YDJC: variants seen among roughly 807,000 people sequenced by gnomAD.
YDJC encodes carbohydrate deacetylase.
In YDJC, 23 loss-of-function variants were observed where a neutral mutation model predicts 18.9. The observed-to-expected ratio is 1.22, with a 90% CI of 0.87 to 1.72. The LOEUF (loss-of-function observed/expected upper bound fraction) is 1.72, where lower values mean the gene tolerates loss of function less well. YDJC is among the 40% of genes most tolerant of loss of function. The pLI is 0.00. For missense variants in YDJC, 467 were observed against 470.8 expected (o/e 0.99, Z 0.07); for synonymous variants, 224 against 217.6 (o/e 1.03, Z -0.26).
intron 4 of YDJC, 43 bp from the exon 5 acceptor site, chr22:21,628,830 T>C (rs2148457904): frequency 8.6e-7 from 1 of 1,162,680 alleles, no homozygotes; most frequent in Non-Finnish European, 1.1e-6. Flanking sequence ...GGCCGGGCCA[T>C]GGCCAAGGGC....
chr22:21,628,950 GAAC>G (rs1930363159), intron 4 of YDJC, 57 bp downstream of exon 4: 3 of 1,434,218 alleles, frequency 2.1e-6, no homozygotes, highest in Non-Finnish European at 2.7e-6. Flanking sequence ...CTAGCCAGGT[GAAC>G]AGCCAGTGCG....
chr22:21,628,893 G>T, intron 4 of YDJC, 106 bp from the exon 5 acceptor site: 1 of 1,378,060 alleles, frequency 7.3e-7, no homozygotes, highest in South Asian at 1.5e-5. Flanking sequence ...TGGGGTGGCG[G>T]CAGCGGTCGA....
At position 21,629,302 on chromosome 22, in the gene YDJC, A is replaced by G; in HGVS notation, c.424+6T>C. ...GCCCTCCAAACTGGGATCACTAACC[A>G]CGCACCTGGGAGCACGTGCACGTGC... On this transcript the variant is annotated splice_donor_region_variant and intron_variant, in intron 3 of 4. Coordinates refer to ENST00000292778, the MANE Select transcript of YDJC (RefSeq NM_001017964.2). 1 of 1,550,374 alleles carries G rather than the reference A, an allele frequency of 6.5e-7. No individual in the cohort carries two copies. Among genetic ancestry groups the G allele is most frequent in the African/African-American group, 1.4e-5 (1 of 73,126 alleles).
rs1053188270 is a variant in YDJC at position 21,629,771 on chromosome 22, G to A, written c.165-10C>T. On this transcript the variant is annotated splice_polypyrimidine_tract_variant and intron_variant, in intron 1 of 4. Coordinates refer to ENST00000292778, the MANE Select transcript of YDJC (RefSeq NM_001017964.2). ...CGTGGGGATGCTGTGCCTGAGGGCG[G>A]AGCGCGAGCTGGAGCACTAGCGGCC... 3 of 1,478,518 alleles carry A rather than the reference G, an allele frequency of 2.0e-6. No individual in the cohort carries two copies. The highest frequency in any genetic ancestry group is 2.9e-5 in the African/African-American group (2 of 69,550). 91.6% of individuals were successfully genotyped at this position (1,478,518 alleles called of 1,614,324 possible).
At position 21,628,622 on chromosome 22, in the gene YDJC, G is replaced by A. The variant is rs199859720; in HGVS notation, c.768C>T (p.Gly256=). The part of the protein sequence containing the change: ...PGYPSVPPTG[G]CGEGPDAFSC... Reference sequence around the variant, plus strand: ...AGAAAGCGTCGGGGCCTTCACCGCAGCCGCCGGTGGGAGGCACACTGGGGT... The same window carrying A: ...AGAAAGCGTCGGGGCCTTCACCGCAACCGCCGGTGGGAGGCACACTGGGGT... The change falls in exon 5 of 5, where the codon GGC becomes GGT. Residue 256 remains glycine (G), a synonymous_variant. Coordinates refer to ENST00000292778, the MANE Select transcript of YDJC (RefSeq NM_001017964.2). 1 of 1,591,170 alleles carries A rather than the reference G, an allele frequency of 6.3e-7. No individual in the cohort carries two copies. The highest frequency in any genetic ancestry group is 8.5e-7 in the Non-Finnish European group (1 of 1,169,830).
At chr22:21,629,270 G>C in intron 3 of YDJC, 38 bp downstream of exon 3, 1 of 1,550,338 alleles carries the variant, frequency 6.5e-7, no homozygotes, top group Non-Finnish European at 8.7e-7. Flanking sequence ...CCCCGCCTGG[G>C]AGTAACGCCC....
chr22:21,629,025 G>A lies in YDJC; in HGVS notation c.587C>T (p.Ser196Phe), dbSNP rs58851250. 7,749 of 1,479,264 alleles carry A rather than the reference G, an allele frequency of 5.2e-3. 363 individuals are homozygous for A. In the African/African-American group the frequency reaches 0.095, roughly 18 times the overall value. The allele number at this position is 1,479,264 out of a possible 1,614,324, so 91.6% of individuals were successfully genotyped here. A position where few individuals can be genotyped will look rare whatever the true frequency, so the allele number is the denominator to read the frequency against. Residue 196 changes from serine (S) to phenylalanine (F), a missense_variant, in exon 4 of 5, where the codon TCC (serine) becomes TTC (phenylalanine). Coordinates refer to ENST00000292778, the MANE Select transcript of YDJC (RefSeq NM_001017964.2). Reference protein sequence around the residue: ...RDARAAVGPFSRHGLRWTDAF... With the variant: ...RDARAAVGPFFRHGLRWTDAF... Reference sequence around the variant, plus strand: ...GGAGCCTCACCGCAGGCCGTGGCGGGAGAAGGGGCCCACGGCGGCCCGGGC... The same window carrying A: ...GGAGCCTCACCGCAGGCCGTGGCGGAAGAAGGGGCCCACGGCGGCCCGGGC...
Position 21,628,288 on chromosome 22 carries a change from G to T in YDJC, c.*130C>A. On this transcript the variant is annotated 3_prime_UTR_variant, in exon 5 of 5. Transcript: ENST00000292778. Reference sequence around the variant, plus strand: ...GGAGGCATGAGGACCTGAGCCCAGAGGTGGCAGTGTCCTACCCAGGGAAGT... The same window carrying T: ...GGAGGCATGAGGACCTGAGCCCAGATGTGGCAGTGTCCTACCCAGGGAAGT... 1 of 1,273,152 alleles carries T rather than the reference G, an allele frequency of 7.9e-7. No individual in the cohort carries two copies. The highest frequency in any genetic ancestry group is 2.0e-5 in the South Asian group (1 of 49,292). The allele number at this position is 1,273,152 out of a possible 1,614,324, so 78.9% of individuals were successfully genotyped here.
chr22:21,629,658 GGAA>G lies in YDJC; in HGVS notation c.265_267del (p.Phe89del), dbSNP rs766564444. 6 of 1,612,334 alleles carry G rather than the reference GGAA, an allele frequency of 3.7e-6. No homozygotes were observed. The East Asian group carries it at 1.3e-4, about 36-fold the overall frequency. ...GCCTCCCGGAATCCCATCTTGCCAA[GGAA>G]GAAGCCTTCCGGGCCGAGCAGCGAT... On this transcript the variant is annotated inframe_deletion, in exon 2 of 5. Coordinates refer to ENST00000292778, the MANE Select transcript of YDJC (RefSeq NM_001017964.2).
rs908359753 is a variant in YDJC, at chr22:21,629,047, G to A, written c.565C>T (p.Arg189Trp). The A allele has an allele frequency of 3.3e-6, 5 of 1,507,646 alleles. No homozygotes were observed. The highest frequency in any genetic ancestry group is 1.4e-5 in the African/African-American group (1 of 71,324). 93.4% of individuals were successfully genotyped at this position (1,507,646 alleles called of 1,614,324 possible). The change falls in exon 4 of 5, where the codon CGG becomes TGG. Residue 189 changes from arginine (R) to tryptophan (W), a missense_variant. Physicochemically the swap from Arg to Trp is moderately radical, Grantham distance 101. Transcript: ENST00000292778. ...AFACAVERDARAAVGPFSRHG... is the reference protein window; with the variant it reads ...AFACAVERDAWAAVGPFSRHG... ...CGGGAGAAGGGGCCCACGGCGGCCCGGGCGTCGCGCTCCACGGCGCAGGCG... is the reference window on the plus strand; with the variant it reads ...CGGGAGAAGGGGCCCACGGCGGCCCAGGCGTCGCGCTCCACGGCGCAGGCG...
Position 21,629,097 on chromosome 22 carries a change from C to T in YDJC, c.515G>A (p.Trp172Ter). 1 of 1,536,722 alleles carries T rather than the reference C, an allele frequency of 6.5e-7. No homozygotes were observed. Among genetic ancestry groups the T allele is most frequent in the African/African-American group, 1.4e-5 (1 of 73,106 alleles). The change falls in exon 4 of 5, where the codon TGG becomes TAG. Residue 172 changes from tryptophan (W) to a stop codon, truncating the protein, a stop_gained. Coordinates refer to ENST00000292778, the MANE Select transcript of YDJC (RefSeq NM_001017964.2). LOFTEE classifies it high-confidence loss of function. Reference sequence around the variant, plus strand: ...GAAGGCACGCGCGGGGGCCTCCAGCCAAGTGCAGCCACCCACACCGCGCTC... The same window carrying T: ...GAAGGCACGCGCGGGGGCCTCCAGCTAAGTGCAGCCACCCACACCGCGCTC... ...PLERGVGGCTWLEAPARAFAC... is the reference protein window; with the variant it reads ...PLERGVGGCT
At position 21,628,666 on chromosome 22, in the gene YDJC, G is replaced by C. The variant is rs543902414; in HGVS notation, c.724C>G (p.Leu242Val). 1 of 1,570,722 alleles carries C rather than the reference G, an allele frequency of 6.4e-7. No homozygotes were observed. The highest frequency in any genetic ancestry group is 2.4e-5 in the East Asian group (1 of 42,316). ...TLAGHTLTAE[L>V]MAHPGYPSVP... is the part of the protein sequence containing the mutation. ...CTGGGGTAGCCGGGGTGCGCCATCA[G>C]CTCGGCTGTCAGGGTGTGGCCCGCT... The change falls in exon 5 of 5, where the codon CTG (leucine) becomes GTG (valine). Residue 242 changes from leucine to valine, a missense_variant. Leu to Val is a conservative substitution (Grantham distance 32). Transcript: ENST00000292778.
rs202198775 is a variant in YDJC at position 21,629,672 on chromosome 22, G to A, written c.254C>T (p.Pro85Leu). ...ARRGASSLLGPEGFFLGKMGF... is the reference protein window; with the variant it reads ...ARRGASSLLGLEGFFLGKMGF... ...CATCTTGCCAAGGAAGAAGCCTTCC[G>A]GGCCGAGCAGCGATGAGGCGCCACG... The change falls in exon 2 of 5, where the codon CCG (proline) becomes CTG (leucine). Residue 85 changes from proline (P) to leucine (L), a missense_variant. Transcript: ENST00000292778. 4.5e-5 allele frequency: 73 copies of A among 1,610,818 alleles called. No individual in the cohort carries two copies. The East Asian group carries it at 1.2e-3, about 26-fold the overall frequency.
At position 21,629,304 on chromosome 22, in the gene YDJC, G is replaced by A. The variant is rs1361113743; in HGVS notation, c.424+4C>T. ...CCTCCAAACTGGGATCACTAACCAC[G>A]CACCTGGGAGCACGTGCACGTGCTG... On this transcript the variant is annotated splice_donor_region_variant and intron_variant, in intron 3 of 4. Coordinates refer to ENST00000292778, the MANE Select transcript of YDJC (RefSeq NM_001017964.2). 4 of 1,550,306 alleles carry A rather than the reference G, an allele frequency of 2.6e-6. No individual in the cohort carries two copies. In the East Asian group the frequency reaches 7.3e-5, roughly 28 times the overall value.
Position 21,628,553 on chromosome 22 carries a change from C to G in YDJC, c.837G>C (p.Ala279=), listed in dbSNP as rs376070022. The G allele has an allele frequency of 7.4e-6, 12 of 1,611,196 alleles. No individual in the cohort carries two copies. The highest frequency in any genetic ancestry group is 1.7e-4 in the Middle Eastern group (1 of 6,052). The part of the protein sequence containing the change: ...ERLHELRVLT[A]PTLRAQLAQD... ...GGGCAAGCTGGGCCCGCAGCGTGGG[C>G]GCGGTGAGGACGCGCAGCTCATGCA... is the stretch of plus-strand genomic sequence containing the variant. The change falls in exon 5 of 5, where the codon GCG becomes GCC. Residue 279 remains alanine, a synonymous_variant. Coordinates refer to ENST00000292778, the MANE Select transcript of YDJC (RefSeq NM_001017964.2).
Position 21,628,453 on chromosome 22 carries a change from T to G in YDJC, c.937A>C (p.Thr313Pro), listed in dbSNP as rs781221616. Residue 313 changes from threonine to proline, a missense_variant, in exon 5 of 5, where the codon ACT (threonine) becomes CCT (proline). Thr to Pro is a conservative substitution (Grantham distance 38). Transcript: ENST00000292778. ...GAGGGTTCCAGGAAGGGTTCCAGAG[T>G]GGGCTCACAGGGGACCTCCTCCCCT... ...RPGEEVPCEPTLEPFLEPSLL is the reference protein window; with the variant it reads ...RPGEEVPCEPPLEPFLEPSLL The G allele has an allele frequency of 1.2e-5, 19 of 1,580,604 alleles. No homozygotes were observed. The South Asian group carries it at 1.6e-4, about 13-fold the overall frequency.
chr22:21,629,390 C>T lies in YDJC; in HGVS notation c.342G>A (p.Glu114=). The change falls in exon 3 of 5, where the codon GAG becomes GAA. Residue 114 remains glutamate, a synonymous_variant. Transcript: ENST00000292778. ...GCTCCCGGAAGCAGCTTAGTTGGGC[C>T]TCGAGCTCCTCCCGCACCTAGAGGG... ...VDLPQVREEL[E]AQLSCFRELL... is the part of the protein sequence containing the mutation. The T allele has an allele frequency of 6.5e-7, 1 of 1,548,582 alleles. No individual in the cohort carries two copies. Among genetic ancestry groups the T allele is most frequent in the Non-Finnish European group, 8.7e-7 (1 of 1,146,772 alleles).
rs1930426864 is a variant in YDJC, at chr22:21,629,831, GCTAGAGGCCCTCCCCTCACC to G, written c.164_164+19del. 6.6e-7 allele frequency: 1 copy of G among 1,522,280 alleles called. No homozygotes were observed. The highest frequency in any genetic ancestry group is 1.4e-5 in the African/African-American group (1 of 70,352). 94.3% of individuals were successfully genotyped at this position (1,522,280 alleles called of 1,614,324 possible). On this transcript the variant is annotated splice_donor_variant and splice_donor_5th_base_variant and coding_sequence_variant and intron_variant, in exon 1 of 5. Transcript: ENST00000292778. LOFTEE classifies it high-confidence loss of function. ...CGCGCCCCAAGCCGATCGCCGCCCT[GCTAGAGGCCCTCCCCTCACC>G]TGCGGGCCAGCTCCGCCGCGCTCTC... is the stretch of plus-strand genomic sequence containing the variant.
Position 21,628,870 on chromosome 22 carries a change from G to A in YDJC, c.603-83C>T, listed in dbSNP as rs532882231. The stretch of plus-strand genomic sequence containing the variant: ...TAGGCTAGGGAAGGGACGGCGGGGT[G>A]GGAGGGGGTAACTGGGGTGGCGGCA... On this transcript the variant is annotated intron_variant, in intron 4 of 4. Transcript: ENST00000292778. The A allele has an allele frequency of 1.2e-4, 175 of 1,417,198 alleles. 7 individuals carry two copies. The South Asian group carries it at 2.5e-3, about 20-fold the overall frequency. The allele number at this position is 1,417,198 out of a possible 1,614,324, so 87.8% of individuals were successfully genotyped here.
Sources: allele counts gnomAD v4.1 joint callset, GRCh38; gene constraint gnomAD v4.1.1; transcripts MANE v1.5; gene names NCBI Gene and HGNC (gene_info 2026-07-23, HGNC 2026-07-21).